The following RPTOR variants were observed in gnomAD, a reference collection of about 807,000 sequenced individuals.
The protein encoded by RPTOR is regulatory associated protein of MTOR complex 1.
Under a neutral mutation model 169.9 loss-of-function variants are expected in RPTOR, and 21 were observed. That is an observed-to-expected ratio of 0.12 (90% CI 0.09 to 0.18). The LOEUF (loss-of-function observed/expected upper bound fraction) is 0.18. Among genes scored for constraint, RPTOR ranks in the 10% least tolerant of loss-of-function variants. RPTOR has a pLI of 1.00. For missense variants in RPTOR, 1,133 were observed against 1,855.9 expected (o/e 0.61, Z 7.16); for synonymous variants, 732 against 753.2 (o/e 0.97, Z 0.46).
At chr17:80,858,626 A>G (rs2067882486) in intron 13 of RPTOR, among the ~76,000 whole-genome samples, 1 of 152,004 alleles carries the variant, frequency 6.6e-6, no homozygotes, top group South Asian at 2.1e-4. Flanking sequence ...TACCAGCGAG[A>G]TGGGTCAGAG....
intron 3 of RPTOR, among the ~76,000 whole-genome samples, chr17:80,654,222 G>T (rs764074817): frequency 5.0e-4 from 76 of 152,228 alleles, no homozygotes; most frequent in Non-Finnish European, 1.0e-3. Context: ...CCCCCACCCC[G>T]TGGGGTCTTA....
At chr17:80,771,393 C>T (rs1392774684) in intron 6 of RPTOR, among the ~76,000 whole-genome samples, 1 of 152,204 alleles carries the variant, frequency 6.6e-6, no homozygotes, top group Non-Finnish European at 1.5e-5. Flanking sequence ...ACAAAAGGTC[C>T]ACCCCAGCAA....
chr17:80,897,785 T>C (rs4969290), intron 20 of RPTOR, among the ~76,000 whole-genome samples: 110,631 of 152,102 alleles, frequency 0.73, 40,628 homozygotes, highest in Admixed American at 0.79. Context: ...CCCAGCTACT[T>C]GGGAGGCTGA....
intron 6 of RPTOR, among the ~76,000 whole-genome samples, chr17:80,790,251 T>C (rs2143490073): frequency 6.6e-6 from 1 of 152,334 alleles, no homozygotes; most frequent in South Asian, 2.1e-4. Flanking sequence ...GCCTCACTTT[T>C]ATTTTCTCAG....
At chr17:80,802,020 G>C (rs2067164201) in intron 7 of RPTOR, 1 of 152,242 alleles carries the variant, frequency 6.6e-6, no homozygotes, top group African/African-American at 2.4e-5. Flanking sequence ...TGTTCGATGT[G>C]CACCCCAGCA....
chr17:80,882,572 G>A (rs529307838), intron 14 of RPTOR, among the ~76,000 whole-genome samples: 8 of 152,102 alleles, frequency 5.3e-5, no homozygotes, highest in Non-Finnish European at 1.2e-4. Flanking sequence ...CAGGAATGGG[G>A]GTGTAGTAAG....
At chr17:80,767,863 T>C (rs1215342548) in intron 6 of RPTOR, among the ~76,000 whole-genome samples, 1 of 152,088 alleles carries the variant, frequency 6.6e-6, no homozygotes, top group African/African-American at 2.4e-5. Flanking sequence ...TTTATGATTT[T>C]ATTTTATTTT....
intron 5 of RPTOR, among the ~76,000 whole-genome samples, chr17:80,732,948 G>T (rs2066404634): frequency 6.6e-6 from 1 of 152,172 alleles, no homozygotes; most frequent in Admixed American, 6.5e-5. Context: ...ACAGGTGAAT[G>T]ATTTGTTCCA....
rs149332212 is a variant in RPTOR at position 80,580,912 on chromosome 17, G to A, written c.162+35121G>A. 5.9e-3 allele frequency among the ~76,000 whole-genome samples: 894 copies of A among 152,256 alleles called. 12 individuals are homozygous for A. The highest frequency in any genetic ancestry group is 0.021 in the African/African-American group (855 of 41,540). ...TAAAGTGCTGGGGTTGCAGGCATGA[G>A]CCACCATGCCTAGCCTGTGTGGCCT... On this transcript the variant is annotated intron_variant, in intron 1 of 33. Coordinates refer to ENST00000306801, the MANE Select transcript of RPTOR (RefSeq NM_020761.3).
intron 4 of RPTOR, among the ~76,000 whole-genome samples, chr17:80,723,073 A>T (rs1161213617): frequency 6.6e-6 from 1 of 151,340 alleles, no homozygotes; most frequent in Non-Finnish European, 1.5e-5. Flanking sequence ...TTTTGGGAAG[A>T]ATAATGCAGA....
intron 2 of RPTOR, among the ~76,000 whole-genome samples, chr17:80,626,043 ATTTT>A (rs1238196330): frequency 5.9e-5 from 9 of 152,184 alleles, no homozygotes; most frequent in South Asian, 4.1e-4. Flanking sequence ...TTTCTACTTT[ATTTT>A]TTTATTTATT....
chr17:80,815,796 C>A (rs534899016), intron 7 of RPTOR, among the ~76,000 whole-genome samples: 1 of 152,168 alleles, frequency 6.6e-6, no homozygotes, highest in Admixed American at 6.5e-5. Context: ...CAGTCCGTCA[C>A]GTGCAGAGCA....
chr17:80,736,185 A>T (rs193137717), intron 5 of RPTOR, among the ~76,000 whole-genome samples: 13 of 145,604 alleles, frequency 8.9e-5, no homozygotes, highest in Admixed American at 2.7e-4. Context: ...AAAAAAAAAA[A>T]GTTCAGCCCA....
chr17:80,799,694 C>G (rs974832505), intron 7 of RPTOR, among the ~76,000 whole-genome samples: 27 of 152,160 alleles, frequency 1.8e-4, no homozygotes, highest in Admixed American at 7.9e-4. Context: ...CCAGGTCTGC[C>G]TCACGCTCTG....
intron 20 of RPTOR, among the ~76,000 whole-genome samples, chr17:80,905,179 GT>G (rs56239682): frequency 1.8e-4 from 27 of 149,670 alleles, no homozygotes; most frequent in Middle Eastern, 3.4e-3. Context: ...ATGCTCTCTT[GT>G]TTTTTTTTTT....
At chr17:80,571,952 G>A (rs776790978) in intron 1 of RPTOR, among the ~76,000 whole-genome samples, 1 of 152,208 alleles carries the variant, frequency 6.6e-6, no homozygotes, top group Non-Finnish European at 1.5e-5. Context: ...TAGGTATGCT[G>A]TAGGGATAGA....
intron 1 of RPTOR, among the ~76,000 whole-genome samples, chr17:80,615,427 C>T (rs2065302085): frequency 6.6e-6 from 1 of 152,094 alleles, no homozygotes; most frequent in Non-Finnish European, 1.5e-5. Context: ...TCTTTTTTTC[C>T]CCACCTTAGT....
At position 80,545,526 on chromosome 17, in the gene RPTOR, C is replaced by T; in HGVS notation, c.-104C>T. ...CTTTATCCATTTGGTTTTCGATTTC[C>T]CGTTTTTGTTTCTTATTTCACCAAT... On this transcript the variant is annotated 5_prime_UTR_variant, in exon 1 of 34. Transcript: ENST00000306801. 1 of 901,632 alleles carries T rather than the reference C, an allele frequency of 1.1e-6. No homozygotes were observed. The highest frequency in any genetic ancestry group is 1.7e-5 in the South Asian group (1 of 59,578). The allele number at this position is 901,632 out of a possible 1,614,324, so 55.9% of individuals were successfully genotyped here.
intron 2 of RPTOR, among the ~76,000 whole-genome samples, chr17:80,634,038 C>CA (rs1234088610): frequency 6.6e-6 from 1 of 151,342 alleles, no homozygotes; most frequent in Non-Finnish European, 1.5e-5. Context: ...TCTCGCTGGA[C>CA]AGAGCAAGGA....
Sources: gnomAD v4.1 joint callset for allele counts (sites outside exome capture counted in the v4.1 genomes callset) on GRCh38, gnomAD v4.1.1 for gene constraint, MANE v1.5 for transcripts, NCBI Gene and HGNC (gene_info 2026-07-23, HGNC 2026-07-21) for gene names.